The following STPG2 variants were observed in gnomAD, a reference collection of about 807,000 sequenced individuals.
The protein encoded by STPG2 is sperm-tail PG-rich repeat-containing protein 2.
A neutral mutation model predicts 54.2 loss-of-function variants in STPG2; 56 were observed. That is an observed-to-expected ratio of 1.03 (90% CI 0.83 to 1.29). The LOEUF (loss-of-function observed/expected upper bound fraction) is 1.29, where lower values mean the gene tolerates loss of function less well. Among genes scored for constraint, STPG2 ranks in the 50% most tolerant of loss-of-function variants. The pLI, the probability that STPG2 is intolerant of heterozygous loss-of-function variation, is 0.00. For synonymous variants in STPG2, 200 were observed against 181.8 expected (o/e 1.10, Z -0.81); for missense variants, 596 against 544.9 (o/e 1.09, Z -0.93).
intron 4 of STPG2, among the ~76,000 whole-genome samples, chr4:97,532,444 A>T (rs1487224965): frequency 6.6e-6 from 1 of 152,174 alleles, no homozygotes; most frequent in Non-Finnish European, 1.5e-5. Context: ...TTTCAAAAAA[A>T]ATCAGAAAAG....
chr4:97,851,949 CA>C (rs1415786159), intron 8 of STPG2, among the ~76,000 whole-genome samples: 1 of 152,146 alleles, frequency 6.6e-6, no homozygotes, highest in East Asian at 1.9e-4. Context: ...AGATTATCTC[CA>C]ATTATAATAG....
intron 4 of STPG2, among the ~76,000 whole-genome samples, chr4:97,506,888 AAAT>A (rs1730855672): frequency 6.6e-6 from 1 of 152,094 alleles, no homozygotes; most frequent in Non-Finnish European, 1.5e-5. Flanking sequence ...AATACATTAA[AAAT>A]AATACAAAGG....
intron 9 of STPG2, among the ~76,000 whole-genome samples, chr4:97,766,656 A>C (rs556552016): frequency 8.5e-4 from 130 of 152,186 alleles, no homozygotes; most frequent in African/African-American, 3.0e-3. Context: ...ATCTTTAATT[A>C]AAAATCAATG....
At chr4:97,742,585 C>A (rs1725294004) in intron 9 of STPG2, among the ~76,000 whole-genome samples, 2 of 139,052 alleles carry the variant, frequency 1.4e-5, no homozygotes, top group African/African-American at 2.6e-5. Flanking sequence ...ATATGGAATA[C>A]TATCAGGTCT....
chr4:97,445,331 T>G (rs1379222004), intron 4 of STPG2, among the ~76,000 whole-genome samples: 1 of 152,140 alleles, frequency 6.6e-6, no homozygotes, highest in African/African-American at 2.4e-5. Flanking sequence ...TTCTATACAA[T>G]CTACTGATGA....
chr4:97,939,182 G>A (rs946857250), intron 8 of STPG2, among the ~76,000 whole-genome samples: 1 of 152,042 alleles, frequency 6.6e-6, no homozygotes, highest in Non-Finnish European at 1.5e-5. Flanking sequence ...GATGCGTTTG[G>A]TATGATTTCA....
At chr4:97,759,678 T>C (rs1205276966) in intron 9 of STPG2, among the ~76,000 whole-genome samples, 1 of 152,038 alleles carries the variant, frequency 6.6e-6, no homozygotes, top group East Asian at 1.9e-4. Flanking sequence ...CTGAAAAAAT[T>C]AGGTACTCAT....
chr4:97,800,290 G>GT (rs1296133353), intron 9 of STPG2, among the ~76,000 whole-genome samples: 1 of 152,138 alleles, frequency 6.6e-6, no homozygotes, highest in African/African-American at 2.4e-5. Context: ...TCTCTGCTCT[G>GT]TTTTTTTCCC....
Position 98,064,763 on chromosome 4 carries a change from A to G in STPG2, c.612+41190T>C, listed in dbSNP as rs191873623. On this transcript the variant is annotated intron_variant, in intron 5 of 10. Coordinates refer to ENST00000295268, the MANE Select transcript of STPG2 (RefSeq NM_174952.3). ...TTCAAGAGTGGCTTAATGTTAGAAA[A>G]TTTCTCAATGTATCTGTCTTGTCAG... is the stretch of plus-strand genomic sequence containing the variant. 6.1e-3 allele frequency among the ~76,000 whole-genome samples: 924 copies of G among 152,296 alleles called. 11 individuals carry two copies. Among genetic ancestry groups the G allele is most frequent in the African/African-American group, 0.021 (864 of 41,560 alleles).
intron 8 of STPG2, among the ~76,000 whole-genome samples, chr4:97,887,521 G>C (rs1230803100): frequency 6.6e-6 from 1 of 152,136 alleles, no homozygotes; most frequent in Non-Finnish European, 1.5e-5. Context: ...AAATTTCTAA[G>C]CAACAAAGTA....
At chr4:97,804,512 T>C (rs950030875) in intron 9 of STPG2, among the ~76,000 whole-genome samples, 10 of 152,184 alleles carry the variant, frequency 6.6e-5, no homozygotes, top group African/African-American at 2.4e-4. Context: ...AAAGAAAATA[T>C]TTTTGTACAC....
At chr4:97,568,714 G>A (rs1404241148) in intron 10 of STPG2, among the ~76,000 whole-genome samples, 1 of 151,944 alleles carries the variant, frequency 6.6e-6, no homozygotes. Flanking sequence ...GATACAAAAT[G>A]ATCCCAAACA....
At chr4:98,130,236 C>T (rs1739949388) in intron 2 of STPG2, among the ~76,000 whole-genome samples, 1 of 151,732 alleles carries the variant, frequency 6.6e-6, no homozygotes, top group Admixed American at 6.6e-5. Flanking sequence ...AGTACAGTGG[C>T]ATGATCTTGG....
At chr4:97,540,345 A>G (rs1267994858) in intron 4 of STPG2, among the ~76,000 whole-genome samples, 3 of 152,128 alleles carry the variant, frequency 2.0e-5, no homozygotes, top group Admixed American at 2.0e-4. Context: ...TACTATAAAC[A>G]CCTCTATGCA....
At chr4:97,578,872 G>T (rs894099223) in intron 10 of STPG2, among the ~76,000 whole-genome samples, 2 of 152,000 alleles carry the variant, frequency 1.3e-5, no homozygotes, top group Non-Finnish European at 2.9e-5. Flanking sequence ...CAAAGCTATG[G>T]CATAGTCAGG....
At chr4:97,465,050 T>C (rs1469239116) in intron 4 of STPG2, among the ~76,000 whole-genome samples, 2 of 152,160 alleles carry the variant, frequency 1.3e-5, no homozygotes, top group South Asian at 2.1e-4. Flanking sequence ...AAGGAAACTT[T>C]CCAGGATTCA....
chr4:98,056,668 G>C lies in STPG2; in HGVS notation c.612+49285C>G, dbSNP rs535909150. Reference sequence around the variant, plus strand: ...CATCCAAAGGTCAGCAACTGATATAGTTTGGCTCTGTGTGCCCACCCAAGT... The same window carrying C: ...CATCCAAAGGTCAGCAACTGATATACTTTGGCTCTGTGTGCCCACCCAAGT... On this transcript the variant is annotated intron_variant, in intron 5 of 10. Transcript: ENST00000295268. Among the ~76,000 whole-genome samples the C allele has an allele frequency of 1.5e-3, 228 of 152,150 alleles. 6 individuals carry two copies. The highest frequency in any genetic ancestry group is 1.9e-4 in the Non-Finnish European group (13 of 67,982).
intron 9 of STPG2, among the ~76,000 whole-genome samples, chr4:97,741,192 C>T (rs986195783): frequency 6.6e-6 from 1 of 152,186 alleles, no homozygotes; most frequent in Non-Finnish European, 1.5e-5. Flanking sequence ...CCCTTCCTTA[C>T]ACCTTATACA....
At chr4:98,113,643 T>A (rs1248951472) in intron 3 of STPG2, among the ~76,000 whole-genome samples, 1 of 152,006 alleles carries the variant, frequency 6.6e-6, no homozygotes, top group African/African-American at 2.4e-5. Flanking sequence ...GACAGTCTTA[T>A]AAAGCACTAT....
Sources: gnomAD v4.1 joint callset for allele counts (sites outside exome capture counted in the v4.1 genomes callset) on GRCh38, gnomAD v4.1.1 for gene constraint, MANE v1.5 for transcripts, NCBI Gene and HGNC (gene_info 2026-07-23, HGNC 2026-07-21) for gene names.